RNF212B: variants seen among roughly 807,000 people sequenced by gnomAD.
RNF212B encodes E3 ubiquitin-protein ligase RNF212B.
RNF212B carries 52 observed loss-of-function variants against 55.5 expected under a neutral mutation model. The observed-to-expected ratio is 0.94, with a 90% CI of 0.75 to 1.18. The LOEUF (loss-of-function observed/expected upper bound fraction) is 1.18, where lower values mean the gene tolerates loss of function less well. Ranked by LOEUF, RNF212B falls within the 50% of genes most tolerant of loss-of-function variation. RNF212B has a pLI of 0.00. For synonymous variants in RNF212B, 99 were observed against 121.4 expected (o/e 0.82, Z 1.21); for missense variants, 289 against 350.4 (o/e 0.82, Z 1.40).
At chr14:23,236,865 G>A (rs1230641111), upstream of RNF212B, among the ~76,000 whole-genome samples, 4 of 150,672 alleles carry the variant, frequency 2.7e-5, no homozygotes, top group Non-Finnish European at 4.4e-5. Flanking sequence ...AAATTTCTGG[G>A]ATCATAGTTT....
upstream of RNF212B, among the ~76,000 whole-genome samples, chr14:23,236,974 T>C (rs1335133145): frequency 6.7e-6 from 1 of 149,378 alleles, no homozygotes; most frequent in Non-Finnish European, 1.5e-5. Flanking sequence ...TTTTTTTTTT[T>C]TTTGTTTGAG....
At chr14:23,261,944 G>A (rs1885324010) in intron 7 of RNF212B, among the ~76,000 whole-genome samples, 1 of 151,646 alleles carries the variant, frequency 6.6e-6, no homozygotes, top group Admixed American at 6.6e-5. Context: ...CTCCAGCCTG[G>A]GTGACAGAGT....
intron 1 of RNF212B, among the ~76,000 whole-genome samples, chr14:23,192,364 G>A (rs992674465): frequency 6.6e-6 from 1 of 152,100 alleles, no homozygotes; most frequent in Non-Finnish European, 1.5e-5. Context: ...CCATAAAAAA[G>A]GATGAGTTCA....
intron 4 of RNF212B, among the ~76,000 whole-genome samples, chr14:23,249,070 G>T (rs910071351): frequency 6.6e-6 from 1 of 152,280 alleles, no homozygotes; most frequent in Admixed American, 6.5e-5. Flanking sequence ...ACAGACAGCT[G>T]GTTATGGTCA....
intron 2 of RNF212B, among the ~76,000 whole-genome samples, chr14:23,221,753 G>GA (rs2140406534): frequency 6.6e-6 from 1 of 152,240 alleles, no homozygotes; most frequent in South Asian, 2.1e-4. Context: ...AAACAAATCT[G>GA]AAAACTTTAA....
intron 2 of RNF212B, among the ~76,000 whole-genome samples, chr14:23,230,632 C>T (rs371369717): frequency 1.7e-5 from 2 of 115,542 alleles, no homozygotes; most frequent in South Asian, 2.7e-4. Flanking sequence ...CCAGCCTGGA[C>T]GACAGAGCGA....
At chr14:23,270,045 T>A in intron 13 of RNF212B, 85 bp downstream of exon 13, 1 of 807,370 alleles carries the variant, frequency 1.2e-6, no homozygotes, top group South Asian at 1.5e-5. Flanking sequence ...TGACAAGATG[T>A]TGAGGTTTGC....
intron 2 of RNF212B, among the ~76,000 whole-genome samples, chr14:23,208,883 T>C (rs56126316): frequency 0.3 from 44,527 of 146,024 alleles, 7,565 homozygotes; most frequent in African/African-American, 0.46. Flanking sequence ...CTCAGCCCCC[T>C]GAGTAGTTGG....
chr14:23,257,045 C>T (rs1335554116), intron 4 of RNF212B, among the ~76,000 whole-genome samples: 2 of 151,970 alleles, frequency 1.3e-5, no homozygotes, highest in African/African-American at 4.8e-5. Context: ...CCCAGCTACT[C>T]AGGAGGCTGA....
chr14:23,186,556 G>T (rs1051823610), intron 1 of RNF212B, among the ~76,000 whole-genome samples: 1 of 152,074 alleles, frequency 6.6e-6, no homozygotes, highest in Non-Finnish European at 1.5e-5. Context: ...CACCCTGTTG[G>T]TTAGGCTCGT....
In RNF212B at chr14:23,243,026, G is replaced by A. The variant is rs542937213; in HGVS notation, c.101-230G>A. Among the ~76,000 whole-genome samples, 6 of 151,512 alleles carry A rather than the reference G, an allele frequency of 4.0e-5. No individual in the cohort carries two copies. In the East Asian group the frequency reaches 9.7e-4, roughly 24 times the overall value. On this transcript the variant is annotated intron_variant, in intron 2 of 14. Coordinates refer to ENST00000430154, the MANE Select transcript of RNF212B (RefSeq NM_001282322.3). ...TAAAAAGATAGGGAGATGGGTAGAC[G>A]TACGGTGTGAAAGCCCTACTTATAT...
intron 2 of RNF212B, among the ~76,000 whole-genome samples, chr14:23,220,049 T>C (rs1881423169): frequency 6.6e-6 from 1 of 151,834 alleles, no homozygotes. Context: ...CCAGACATGG[T>C]GGCACATGCC....
intron 11 of RNF212B, among the ~76,000 whole-genome samples, chr14:23,264,928 T>G (rs1388607178): frequency 6.6e-6 from 1 of 152,110 alleles, no homozygotes; most frequent in Non-Finnish European, 1.5e-5. Context: ...TTCAAGCGAT[T>G]CTCCTGCCTC....
chr14:23,200,408 C>G (rs1020035992), intron 2 of RNF212B, among the ~76,000 whole-genome samples: 2 of 152,176 alleles, frequency 1.3e-5, no homozygotes, highest in East Asian at 3.9e-4. Context: ...CCACTGCAAC[C>G]TCTGCCTCCT....
At chr14:23,258,074 C>T (rs1008555488) in intron 4 of RNF212B, among the ~76,000 whole-genome samples, 2 of 152,192 alleles carry the variant, frequency 1.3e-5, no homozygotes, top group African/African-American at 4.8e-5. Flanking sequence ...TGCGGTGGCT[C>T]ACGCCTGTAA....
chr14:23,249,899 A>G (rs1471192557), intron 4 of RNF212B, among the ~76,000 whole-genome samples: 1 of 152,142 alleles, frequency 6.6e-6, no homozygotes, highest in Non-Finnish European at 1.5e-5. Flanking sequence ...ATCTATTTCA[A>G]TTACAAATCT....
At chr14:23,189,260 T>A (rs1877886941) in intron 1 of RNF212B, among the ~76,000 whole-genome samples, 1 of 152,152 alleles carries the variant, frequency 6.6e-6, no homozygotes, top group Non-Finnish European at 1.5e-5. Flanking sequence ...TTCCCCATGC[T>A]CCATTTACTA....
chr14:23,248,286 C>A (rs2140449353), intron 4 of RNF212B, among the ~76,000 whole-genome samples: 1 of 151,432 alleles, frequency 6.6e-6, no homozygotes, highest in East Asian at 1.9e-4. Flanking sequence ...TGTCACCACA[C>A]CTGGCTAGTT....
intron 14 of RNF212B, among the ~76,000 whole-genome samples, chr14:23,272,108 ACTATT>A (rs1284007552): frequency 6.6e-6 from 1 of 152,130 alleles, no homozygotes; most frequent in East Asian, 1.9e-4. Flanking sequence ...AGTTCATTAT[ACTATT>A]CTATGTATTT....
Sources: allele counts gnomAD v4.1 joint callset (sites outside exome capture counted in the v4.1 genomes callset), GRCh38; gene constraint gnomAD v4.1.1; transcripts MANE v1.5; gene names NCBI Gene and HGNC (gene_info 2026-07-23, HGNC 2026-07-21).